The following LMF1 variants were observed in gnomAD, a reference collection of about 807,000 sequenced individuals.
LMF1 encodes the protein lipase maturation factor 1.
LMF1 carries 68 observed loss-of-function variants against 60.6 expected under a neutral mutation model. The observed-to-expected ratio is 1.12, with a 90% CI of 0.92 to 1.37. The LOEUF is 1.37. Among genes scored for constraint, LMF1 ranks in the 40% most tolerant of loss-of-function variants. LMF1 has a pLI of 0.00. For missense variants in LMF1, 948 were observed against 767.2 expected (o/e 1.24, Z -2.78); for synonymous variants, 418 against 324.7 (o/e 1.29, Z -3.09).
At chr16:871,114 C>T (rs748497824) in intron 7 of LMF1, 47 bp downstream of exon 7, 30 of 1,500,104 alleles carry the variant, frequency 2.0e-5, no homozygotes, top group African/African-American at 8.3e-5. Flanking sequence ...TGGCACCACC[C>T]GACTTTCTCC....
In LMF1 at chr16:954,411, A is replaced by C; in HGVS notation, c.449T>G (p.Leu150Arg). Residue 150 changes from leucine (L) to arginine (R), a missense_variant, in exon 2 of 11, where the codon CTC becomes CGC. Leu to Arg is a moderately radical substitution (Grantham distance 102). Coordinates refer to ENST00000262301, the MANE Select transcript of LMF1 (RefSeq NM_022773.4). ...VLITGCANML[L>R]MAALWGLYMS... Reference sequence around the variant, plus strand: ...GTAGAGGCCCCACAGGGCAGCCATGAGAAGCATGTTGGCGCAGCCCGTGAT... The same window carrying C: ...GTAGAGGCCCCACAGGGCAGCCATGCGAAGCATGTTGGCGCAGCCCGTGAT... 6.2e-7 allele frequency: 1 copy of C among 1,613,154 alleles called. No individual in the cohort carries two copies. The highest frequency in any genetic ancestry group is 8.5e-7 in the Non-Finnish European group (1 of 1,179,748).
intron 3 of LMF1, among the ~76,000 whole-genome samples, chr16:915,128 A>C (rs2071244614): frequency 6.6e-6 from 1 of 152,174 alleles, no homozygotes; most frequent in Non-Finnish European, 1.5e-5. Flanking sequence ...CCACTGATTT[A>C]AAAACAGCTA....
rs544383210 is a variant in LMF1, at chr16:854,290, G to C, written c.*242C>G. Reference sequence around the variant, plus strand: ...GGAGGGTGGGATGGATGGGAGATCAGAGCCCCTGGCGCCTGGGACAAGGGT... The same window carrying C: ...GGAGGGTGGGATGGATGGGAGATCACAGCCCCTGGCGCCTGGGACAAGGGT... On this transcript the variant is annotated 3_prime_UTR_variant, in exon 11 of 11. Transcript: ENST00000262301. 5.7e-4 allele frequency: 386 copies of C among 680,540 alleles called. 1 individual carries two copies. The Middle Eastern group carries it at 6.0e-3, about 11-fold the overall frequency. 42.2% of individuals were successfully genotyped at this position (680,540 alleles called of 1,614,324 possible).
intron 10 of LMF1, among the ~76,000 whole-genome samples, chr16:867,895 G>A (rs975596547): frequency 6.6e-5 from 10 of 152,248 alleles, no homozygotes; most frequent in Middle Eastern, 3.4e-3. Context: ...GGACCTCGGC[G>A]CCCCTCCCAT....
intron 2 of LMF1, among the ~76,000 whole-genome samples, chr16:953,075 T>C (rs374751495): frequency 0.013 from 249 of 19,042 alleles, 13 homozygotes; most frequent in Middle Eastern, 0.031. Context: ...AGACACCCAC[T>C]CCAAACCAGC....
intron 5 of LMF1, among the ~76,000 whole-genome samples, chr16:889,501 G>A (rs748264546): frequency 2.2e-4 from 33 of 152,262 alleles, no homozygotes; most frequent in African/African-American, 4.6e-4. Flanking sequence ...AGGCATCCCC[G>A]GGGTGCATGG....
intron 1 of LMF1, among the ~76,000 whole-genome samples, chr16:964,274 C>T (rs1335739605): frequency 5.0e-5 from 6 of 120,042 alleles, no homozygotes; most frequent in East Asian, 4.5e-4. Context: ...GCAGCCTGGG[C>T]GAAAAAGTGA....
chr16:966,442 G>T (rs945384254), intron 1 of LMF1, among the ~76,000 whole-genome samples: 9 of 152,252 alleles, frequency 5.9e-5, no homozygotes, highest in Non-Finnish European at 1.2e-4. Context: ...GAGTGTCTCT[G>T]CGCCGACGCC....
intron 5 of LMF1, 65 bp downstream of exon 5, chr16:892,942 C>T: frequency 7.6e-7 from 1 of 1,311,388 alleles, no homozygotes; most frequent in South Asian, 1.4e-5. Flanking sequence ...CTGAGCCCCG[C>T]CAAGAGTGGG....
intron 6 of LMF1, among the ~76,000 whole-genome samples, chr16:877,543 G>A (rs1425322401): frequency 3.9e-5 from 6 of 152,158 alleles, no homozygotes; most frequent in African/African-American, 9.7e-5. Flanking sequence ...CGTTACAGAC[G>A]AAACAACAAG....
chr16:868,710 G>A (rs1036745940), intron 10 of LMF1, among the ~76,000 whole-genome samples: 15 of 141,424 alleles, frequency 1.1e-4, no homozygotes, highest in Admixed American at 5.6e-4. Context: ...CACCACGGCT[G>A]GTTTGGTTTG....
intron 3 of LMF1, among the ~76,000 whole-genome samples, chr16:920,239 G>A (rs2071397802): frequency 6.6e-6 from 1 of 152,150 alleles, no homozygotes; most frequent in South Asian, 2.1e-4. Context: ...ATCCACACCG[G>A]CCCCAGCCCG....
At chr16:973,646 C>T (rs1035426975), upstream of LMF1, among the ~76,000 whole-genome samples, 2 of 152,154 alleles carry the variant, frequency 1.3e-5, no homozygotes, top group Non-Finnish European at 2.9e-5. Context: ...TGCTAAACAC[C>T]GAGTCGTTCA....
intron 1 of LMF1, among the ~76,000 whole-genome samples, chr16:963,460 C>T (rs1025649714): frequency 6.6e-6 from 1 of 151,978 alleles, no homozygotes; most frequent in Admixed American, 6.5e-5. Context: ...GCCCTGTGTC[C>T]ATGTGTGCAC....
In LMF1 at chr16:926,440, C is replaced by T. The variant is rs115785506; in HGVS notation, c.514+7804G>A. Among the ~76,000 whole-genome samples the T allele has an allele frequency of 2.0e-3, 306 of 152,082 alleles. 1 individual carries two copies. Among genetic ancestry groups the T allele is most frequent in the African/African-American group, 7.2e-3 (297 of 41,486 alleles). On this transcript the variant is annotated intron_variant, in intron 3 of 10. Transcript: ENST00000262301. ...GCATCTGTGTATGTCCATGTGTGCT[C>T]GTGTGTTTGCACAGGATCTGCATAC...
intron 5 of LMF1, among the ~76,000 whole-genome samples, chr16:882,673 G>T (rs1189893997): frequency 6.6e-6 from 1 of 152,114 alleles, no homozygotes; most frequent in African/African-American, 2.4e-5. Flanking sequence ...AGGACCAGGA[G>T]AAAGAGAAGC....
At chr16:935,498 G>A (rs928838377) in intron 2 of LMF1, among the ~76,000 whole-genome samples, 3 of 150,244 alleles carry the variant, frequency 2.0e-5, no homozygotes, top group African/African-American at 7.4e-5. Context: ...GGCTTCCGTG[G>A]GCCACAATGG....
intron 5 of LMF1, among the ~76,000 whole-genome samples, chr16:892,503 C>T (rs937335534): frequency 6.6e-6 from 1 of 152,208 alleles, no homozygotes; most frequent in Non-Finnish European, 1.5e-5. Context: ...GGAACTGGGG[C>T]GTCTGAAGGG....
chr16:860,647 G>A (rs945833304), intron 10 of LMF1, among the ~76,000 whole-genome samples: 53 of 152,266 alleles, frequency 3.5e-4, no homozygotes, highest in African/African-American at 1.2e-3. Context: ...GGCCCTGAAA[G>A]TTGATTGTCT....
Sources: gnomAD v4.1 joint callset for allele counts (sites outside exome capture counted in the v4.1 genomes callset) on GRCh38, gnomAD v4.1.1 for gene constraint, MANE v1.5 for transcripts, NCBI Gene and HGNC (gene_info 2026-07-23, HGNC 2026-07-21) for gene names.